The following PPP1R42 variants were observed in gnomAD, a reference collection of about 807,000 sequenced individuals.
PPP1R42 encodes protein phosphatase 1 regulatory subunit 42, also known as leucine rich repeat containing 67.
In PPP1R42, 34 loss-of-function variants were observed where a neutral mutation model predicts 31.0. That is an observed-to-expected ratio of 1.10 (90% CI 0.83 to 1.46). The LOEUF is 1.46. PPP1R42 is among the 40% of genes most tolerant of loss of function. The pLI, the probability that PPP1R42 is intolerant of heterozygous loss-of-function variation, is 0.00. For synonymous variants in PPP1R42, 103 were observed against 109.8 expected (o/e 0.94, Z 0.39); for missense variants, 268 against 303.0 (o/e 0.88, Z 0.86).
At chr8:66,965,783 C>T (rs988263049) in intron 7 of PPP1R42, among the ~76,000 whole-genome samples, 57 of 152,008 alleles carry the variant, frequency 3.7e-4, no homozygotes, top group Non-Finnish European at 5.6e-4. Flanking sequence ...ATTAGATGGG[C>T]GTGGTGGAAC....
chr8:66,984,486 T>C, intron 6 of PPP1R42: 1 of 1,242,488 alleles, frequency 8.0e-7, no homozygotes, highest in Non-Finnish European at 1.2e-6. Flanking sequence ...TCAGGTACAG[T>C]TGCCCAGCAT....
intron 1 of PPP1R42, among the ~76,000 whole-genome samples, chr8:67,022,224 A>C (rs1052066197): frequency 1.3e-5 from 2 of 152,174 alleles, no homozygotes; most frequent in African/African-American, 4.8e-5. Context: ...ATGATATCTC[A>C]CTACTGTGTT....
At chr8:66,985,750 A>T in intron 6 of PPP1R42, 1 of 1,261,590 alleles carries the variant, frequency 7.9e-7, no homozygotes. Context: ...AATGAAGCAC[A>T]GCTGTTTTTT....
chr8:66,965,596 G>A (rs1025311115), intron 7 of PPP1R42, among the ~76,000 whole-genome samples: 2 of 151,744 alleles, frequency 1.3e-5, no homozygotes, highest in Non-Finnish European at 2.9e-5. Context: ...CTACAGGCAC[G>A]TACCACCACG....
At chr8:67,003,297 A>T (rs1353542661) in intron 5 of PPP1R42, among the ~76,000 whole-genome samples, 2 of 148,948 alleles carry the variant, frequency 1.3e-5, no homozygotes, top group East Asian at 1.9e-4. Context: ...ATTTTTTTTT[A>T]AAGTCTTATC....
At position 67,005,395 on chromosome 8, in the gene PPP1R42, C is replaced by G. The variant is rs543438660; in HGVS notation, c.552+5320G>C. On this transcript the variant is annotated intron_variant, in intron 5 of 7. Coordinates refer to ENST00000685739, the MANE Select transcript of PPP1R42 (RefSeq NM_001364910.1). ...GAGTGTTTTTGTGATTGGTCTTGGT[C>G]TCATTTTTTTCTCTGTCTCTATTGT... Among the ~76,000 whole-genome samples the G allele has an allele frequency of 2.0e-5, 3 of 152,052 alleles. No individual in the cohort carries two copies. In the South Asian group the frequency reaches 6.2e-4, roughly 31 times the overall value.
intron 7 of PPP1R42, chr8:66,970,999 T>G: frequency 6.6e-7 from 1 of 1,523,660 alleles, no homozygotes; most frequent in Non-Finnish European, 8.8e-7. Context: ...TTAAATAATT[T>G]TAGTGTAATC....
At chr8:67,001,222 GA>G (rs1815474620) in intron 5 of PPP1R42, among the ~76,000 whole-genome samples, 1 of 145,486 alleles carries the variant, frequency 6.9e-6, no homozygotes, top group Non-Finnish European at 1.5e-5. Context: ...AGTACCATTG[GA>G]TTTTTTTTTT....
chr8:67,019,055 T>C (rs1050056830), intron 1 of PPP1R42, among the ~76,000 whole-genome samples: 3 of 148,960 alleles, frequency 2.0e-5, no homozygotes, highest in Non-Finnish European at 4.5e-5. Flanking sequence ...AGGCTGGTCT[T>C]GAACTCCTGA....
In PPP1R42 at chr8:67,001,012, T is replaced by C. The variant is rs558991429; in HGVS notation, c.552+9703A>G. On this transcript the variant is annotated intron_variant, in intron 5 of 7. Coordinates refer to ENST00000685739, the MANE Select transcript of PPP1R42 (RefSeq NM_001364910.1). The stretch of plus-strand genomic sequence containing the variant: ...AGGAGCATAACTTTGAGGATTGTTA[T>C]GTTTTCTTAAAGAGTTGGCACTTTT... Among the ~76,000 whole-genome samples, 6 of 152,324 alleles carry C rather than the reference T, an allele frequency of 3.9e-5. No homozygotes were observed. The East Asian group carries it at 1.2e-3, about 29-fold the overall frequency.
At chr8:67,020,388 A>G (rs984417673) in intron 1 of PPP1R42, among the ~76,000 whole-genome samples, 4 of 151,932 alleles carry the variant, frequency 2.6e-5, no homozygotes, top group African/African-American at 9.7e-5. Context: ...TTTAGTAGAG[A>G]CGGGGTTTCA....
At chr8:67,005,658 A>G (rs77605570) in intron 5 of PPP1R42, among the ~76,000 whole-genome samples, 3,715 of 152,214 alleles carry the variant, frequency 0.024, 167 homozygotes, top group African/African-American at 0.084. Context: ...CTTTATGCCT[A>G]CATCCTGCTC....
chr8:66,974,996 A>T (rs1032839199), intron 7 of PPP1R42, among the ~76,000 whole-genome samples: 1 of 152,218 alleles, frequency 6.6e-6, no homozygotes, highest in African/African-American at 2.4e-5. Flanking sequence ...TATGAATTTT[A>T]GAATTGCTTT....
At chr8:67,012,724 C>G (rs1272071114) in intron 4 of PPP1R42, among the ~76,000 whole-genome samples, 2 of 152,202 alleles carry the variant, frequency 1.3e-5, no homozygotes, top group Non-Finnish European at 2.9e-5. Flanking sequence ...TCACATTCTT[C>G]TTTTCATCCT....
intron 6 of PPP1R42, among the ~76,000 whole-genome samples, chr8:66,983,518 A>G (rs1320060038): frequency 4.6e-5 from 7 of 152,062 alleles, no homozygotes; most frequent in Non-Finnish European, 7.4e-5. Context: ...TTTCTAATAA[A>G]ATTTATGTAT....
At chr8:66,988,572 C>A in intron 5 of PPP1R42, 55 bp from the exon 6 acceptor site, 2 of 1,457,364 alleles carry the variant, frequency 1.4e-6, no homozygotes, top group Non-Finnish European at 1.9e-6. Context: ...ACCAATACTT[C>A]TAGCATGTCA....
At chr8:66,974,125 A>G (rs1814608596) in intron 7 of PPP1R42, among the ~76,000 whole-genome samples, 1 of 152,188 alleles carries the variant, frequency 6.6e-6, no homozygotes, top group African/African-American at 2.4e-5. Context: ...GTTGGGTCAT[A>G]TGGCAGTCCT....
intron 2 of PPP1R42, among the ~76,000 whole-genome samples, chr8:67,015,769 G>T (rs918157429): frequency 2.6e-5 from 4 of 152,210 alleles, no homozygotes; most frequent in Non-Finnish European, 5.9e-5. Flanking sequence ...TTTTAAAAAG[G>T]CTGCCATTTC....
chr8:67,020,306 A>T (rs901703158), intron 1 of PPP1R42, among the ~76,000 whole-genome samples: 6 of 151,926 alleles, frequency 3.9e-5, no homozygotes, highest in Non-Finnish European at 8.8e-5. Context: ...GGGTTCAAGC[A>T]ATTCTGCCTC....
Sources: allele counts gnomAD v4.1 joint callset (sites outside exome capture counted in the v4.1 genomes callset), GRCh38; gene constraint gnomAD v4.1.1; transcripts MANE v1.5; gene names NCBI Gene and HGNC (gene_info 2026-07-23, HGNC 2026-07-21).